GLG1: variants seen among roughly 807,000 people sequenced by gnomAD.
GLG1 encodes golgi glycoprotein 1, also known as Golgi apparatus protein 1.
Under a neutral mutation model 160.5 loss-of-function variants are expected in GLG1, and 38 were observed. The ratio of observed to expected loss-of-function variants is 0.24; its 90% CI spans 0.18 to 0.31. The LOEUF is 0.31. Among genes scored for constraint, GLG1 ranks in the 10% least tolerant of loss-of-function variants. The pLI is 1.00. For missense variants in GLG1, 1,373 were observed against 1,505.2 expected, an observed-to-expected ratio of 0.91 and a Z score of 1.45; for synonymous variants, 644 against 543.4, an observed-to-expected ratio of 1.19 and a Z score of -2.57.
chr16:74,457,210 C>A (rs1158633165), intron 24 of GLG1, among the ~76,000 whole-genome samples: 2 of 152,152 alleles, frequency 1.3e-5, no homozygotes, highest in Non-Finnish European at 2.9e-5. Flanking sequence ...GCCTGGCCAA[C>A]ATGGCAAAAC....
At chr16:74,579,281 C>A (rs1206145477) in intron 1 of GLG1, among the ~76,000 whole-genome samples, 11 of 152,030 alleles carry the variant, frequency 7.2e-5, no homozygotes, top group Non-Finnish European at 4.4e-5. Context: ...TGGTGGCATG[C>A]GCCTGTAGTC....
rs1014354000 is a variant in GLG1, at chr16:74,448,380, G to A, written c.*4787C>T. On this transcript the variant is annotated 3_prime_UTR_variant, in exon 26 of 26. Transcript: ENST00000422840. ...CTGAGAGAGACCCACAGCACCAGAT[G>A]CTGCATTTTACAAAACCACTTAGGT... The A allele has an allele frequency of 6.6e-6, 1 of 152,192 alleles. No homozygotes were observed. Among genetic ancestry groups the A allele is most frequent in the African/African-American group, 2.4e-5 (1 of 41,448 alleles). The allele number at this position is 152,192 out of a possible 1,614,324, so 9.4% of individuals were successfully genotyped here. A position where few individuals can be genotyped will look rare whatever the true frequency, so the allele number is the denominator to read the frequency against.
rs138233390 is a variant in GLG1 at position 74,467,846 on chromosome 16, C to T, written c.2439G>A (p.Thr813=). ...GATCTGGCTCCAAGCGGATGTCCTCCGTCTGCATGAGGGAGCCAGCATGGA... is the reference window on the plus strand; with the variant it reads ...GATCTGGCTCCAAGCGGATGTCCTCTGTCTGCATGAGGGAGCCAGCATGGA... ...RQLRVEELEM[T]EDIRLEPDLY... The change falls in exon 18 of 26, where the codon ACG becomes ACA. Residue 813 remains threonine, a splice_region_variant and synonymous_variant. Coordinates refer to ENST00000422840, the MANE Select transcript of GLG1 (RefSeq NM_001145667.2). The T allele has an allele frequency of 8.2e-5, 132 of 1,607,110 alleles. No individual in the cohort carries two copies. Among genetic ancestry groups the T allele is most frequent in the African/African-American group, 2.5e-4 (19 of 74,886 alleles).
chr16:74,546,219 G>C (rs527787031), intron 1 of GLG1, among the ~76,000 whole-genome samples: 8 of 152,164 alleles, frequency 5.3e-5, no homozygotes, highest in Non-Finnish European at 1.0e-4. Context: ...TGGGCAGACT[G>C]CTTGAGCCCA....
intron 1 of GLG1, among the ~76,000 whole-genome samples, chr16:74,588,113 G>T (rs1287096424): frequency 2.6e-5 from 4 of 151,774 alleles, no homozygotes; most frequent in Non-Finnish European, 5.9e-5. Flanking sequence ...GCGTTGGTGG[G>T]GGGATTAAAA....
rs562251451 is a variant in GLG1, at chr16:74,448,727, G to A, written c.*4440C>T. 4.0e-5 allele frequency: 6 copies of A among 148,240 alleles called. No homozygotes were observed. In the East Asian group the frequency reaches 1.2e-3, roughly 30 times the overall value. The allele number at this position is 148,240 out of a possible 1,614,324, so 9.2% of individuals were successfully genotyped here. On this transcript the variant is annotated 3_prime_UTR_variant, in exon 26 of 26. Transcript: ENST00000422840. ...AGATTGCGCCACTGCACTCCAGCCT[G>A]GGCAACGAGTGAAACTGTGTCTCAA...
intron 12 of GLG1, among the ~76,000 whole-genome samples, chr16:74,476,550 C>T (rs908166898): frequency 1.3e-5 from 2 of 152,156 alleles, no homozygotes; most frequent in Admixed American, 6.5e-5. Context: ...ACCCAGAAAC[C>T]TGAGTTCACT....
Position 74,599,730 on chromosome 16 carries a change from G to C in GLG1, c.438+6927C>G, listed in dbSNP as rs557677316. On this transcript the variant is annotated intron_variant, in intron 1 of 25. Coordinates refer to ENST00000422840, the MANE Select transcript of GLG1 (RefSeq NM_001145667.2). ...ATGCAAAAAATTAGCCGGGCATGGT[G>C]GTGGGCGCCTGTAGTCCCAGCTACT... 4.6e-5 allele frequency among the ~76,000 whole-genome samples: 7 copies of C among 152,302 alleles called. No individual in the cohort carries two copies. The East Asian group carries it at 7.7e-4, about 17-fold the overall frequency.
At chr16:74,572,658 G>A (rs73610525) in intron 1 of GLG1, among the ~76,000 whole-genome samples, 139 of 152,158 alleles carry the variant, frequency 9.1e-4, no homozygotes, top group African/African-American at 3.2e-3. Flanking sequence ...CCCATACCTC[G>A]CCCTATGCAC....
At chr16:74,469,896 G>C in intron 16 of GLG1, 89 bp downstream of exon 16, 1 of 852,036 alleles carries the variant, frequency 1.2e-6, no homozygotes, top group Admixed American at 1.7e-5. Context: ...CCACGAGGCA[G>C]CAGGAGGGCT....
At chr16:74,506,791 G>A (rs2016630048) in intron 3 of GLG1, among the ~76,000 whole-genome samples, 1 of 151,950 alleles carries the variant, frequency 6.6e-6, no homozygotes, top group Non-Finnish European at 1.5e-5. Context: ...TCATTCTGCT[G>A]GATAGCACTT....
intron 23 of GLG1, 110 bp from the exon 24 acceptor site, chr16:74,458,104 A>T: frequency 9.6e-7 from 1 of 1,039,592 alleles, no homozygotes; most frequent in Non-Finnish European, 1.4e-6. Flanking sequence ...TTGAGGGCTA[A>T]CAACAGAGAC....
chr16:74,568,218 A>G (rs1334866091), intron 1 of GLG1, among the ~76,000 whole-genome samples: 1 of 152,190 alleles, frequency 6.6e-6, no homozygotes, highest in African/African-American at 2.4e-5. Flanking sequence ...ATCAATACCT[A>G]TCTAAGCCTG....
At chr16:74,557,993 T>C (rs1392872265) in intron 1 of GLG1, among the ~76,000 whole-genome samples, 2 of 152,096 alleles carry the variant, frequency 1.3e-5, no homozygotes, top group African/African-American at 4.8e-5. Flanking sequence ...AATAGAAAAA[T>C]TTTAAATGCT....
chr16:74,564,127 C>T (rs1045566729), intron 1 of GLG1, among the ~76,000 whole-genome samples: 2 of 152,144 alleles, frequency 1.3e-5, no homozygotes, highest in African/African-American at 4.8e-5. Flanking sequence ...TGCTATGTTG[C>T]CTACGCTGTC....
intron 1 of GLG1, among the ~76,000 whole-genome samples, chr16:74,600,102 T>A (rs529164077): frequency 4.6e-5 from 7 of 152,300 alleles, no homozygotes; most frequent in African/African-American, 1.7e-4. Context: ...TTCTGAAGCA[T>A]GTGCTATTGG....
intron 23 of GLG1, among the ~76,000 whole-genome samples, chr16:74,459,074 G>A (rs2014673821): frequency 6.6e-6 from 1 of 152,188 alleles, no homozygotes. Flanking sequence ...GATGATAAAA[G>A]AGGCAAAGGA....
intron 10 of GLG1, among the ~76,000 whole-genome samples, chr16:74,482,545 G>T (rs769501243): frequency 6.6e-6 from 1 of 151,948 alleles, no homozygotes; most frequent in African/African-American, 2.4e-5. Context: ...TTAACAGAAT[G>T]AGAGGGAAAT....
At chr16:74,469,903 G>T in intron 16 of GLG1, 82 bp downstream of exon 16, 2 of 887,726 alleles carry the variant, frequency 2.3e-6, no homozygotes, top group Non-Finnish European at 3.9e-6. Context: ...GCAGCAGGAG[G>T]GCTGCCTAAC....
Sources: allele counts gnomAD v4.1 joint callset (sites outside exome capture counted in the v4.1 genomes callset), GRCh38; gene constraint gnomAD v4.1.1; transcripts MANE v1.5; gene names NCBI Gene and HGNC (gene_info 2026-07-23, HGNC 2026-07-21).